The following ZNF492 variants were observed in gnomAD, a reference collection of about 807,000 sequenced individuals.
The protein encoded by ZNF492 is zinc finger protein 492.
In ZNF492, 3 loss-of-function variants were observed where a neutral mutation model predicts 6.4. The observed-to-expected ratio is 0.47, with a 90% CI of 0.21 to 1.22. The LOEUF (loss-of-function observed/expected upper bound fraction) is 1.22. Among genes scored for constraint, ZNF492 ranks in the 50% most tolerant of loss-of-function variants. The probability of loss-of-function intolerance (pLI) is 0.22; values close to 1 mark genes in which losing one functional copy is unlikely to be tolerated. For missense variants in ZNF492, 356 were observed against 612.5 expected (o/e 0.58, Z 4.42); for synonymous variants, 112 against 205.3 (o/e 0.55, Z 3.89).
chr19:22,662,494 T>C (rs1378226767), intron 3 of ZNF492, among the ~76,000 whole-genome samples: 3 of 152,258 alleles, frequency 2.0e-5, no homozygotes, highest in Non-Finnish European at 2.9e-5. Flanking sequence ...TTCTAGATCC[T>C]TGAGGAATCA....
intron 3 of ZNF492, among the ~76,000 whole-genome samples, chr19:22,660,048 A>T (rs1051944871): frequency 6.6e-6 from 1 of 152,116 alleles, no homozygotes; most frequent in African/African-American, 2.4e-5. Context: ...ATAGTTTTTG[A>T]CTTAAGATGT....
rs377541709 is a variant in ZNF492 at position 22,664,146 on chromosome 19, T to C, written c.477T>C (p.His159=). ...GCATGCTTTCACACTTAGCTCAACA[T>C]AAAAGAATTCATAGTGGAGAGAAAC... The part of the protein sequence containing the change: ...SFCMLSHLAQ[H]KRIHSGEKPY... The change falls in exon 4 of 4, where the codon CAT becomes CAC. Residue 159 remains histidine (H), a synonymous_variant. Transcript: ENST00000456783. 5.6e-6 allele frequency: 9 copies of C among 1,604,728 alleles called. No individual in the cohort carries two copies. The African/African-American group carries it at 8.1e-5, about 14-fold the overall frequency.
In ZNF492 at chr19:22,667,102, C is replaced by G. The variant is rs1972138236; in HGVS notation, c.*1837C>G. 6.6e-6 allele frequency: 1 copy of G among 152,254 alleles called. No individual in the cohort carries two copies. The highest frequency in any genetic ancestry group is 1.5e-5 in the Non-Finnish European group (1 of 68,090). The allele number at this position is 152,254 out of a possible 1,614,324, so 9.4% of individuals were successfully genotyped here. A position where few individuals can be genotyped will look rare whatever the true frequency, so the allele number is the denominator to read the frequency against. On this transcript the variant is annotated 3_prime_UTR_variant, in exon 4 of 4. Coordinates refer to ENST00000456783, the MANE Select transcript of ZNF492 (RefSeq NM_020855.3). ...AATTAGCCAGGCATGGTGGCGCATG[C>G]CTGTAATCCCAGCTACTCGGGAGGC... is the stretch of plus-strand genomic sequence containing the variant.
chr19:22,663,720 A>G (rs572234456), intron 3 of ZNF492, 80 bp from the exon 4 acceptor site: 51 of 1,328,286 alleles, frequency 3.8e-5, no homozygotes, highest in East Asian at 3.4e-4. Context: ...TGTAGTTTGT[A>G]TAATTTTATA....
chr19:22,639,687 G>A (rs1403160808), intron 1 of ZNF492, among the ~76,000 whole-genome samples: 1 of 147,938 alleles, frequency 6.8e-6, no homozygotes, highest in Non-Finnish European at 1.5e-5. Context: ...CCCCAGCCTG[G>A]GCAATAAGAG....
At position 22,665,087 on chromosome 19, in the gene ZNF492, G is replaced by T. The variant is rs1184259557; in HGVS notation, c.1418G>T (p.Gly473Val). 1 of 1,608,298 alleles carries T rather than the reference G, an allele frequency of 6.2e-7. No homozygotes were observed. The highest frequency in any genetic ancestry group is 1.1e-5 in the South Asian group (1 of 90,108). Residue 473 changes from glycine (G) to valine (V), a missense_variant, in exon 4 of 4, where the codon GGA (glycine) becomes GTA (valine). Transcript: ENST00000456783. ...HLTTHKMIHT[G>V]EKPYKCEECG... ...ACTACACATAAGATGATTCATACTG[G>T]AGAGAAACCCTACAAGTGTGAAGAA...
At chr19:22,652,756 T>G (rs1477282702) in intron 1 of ZNF492, among the ~76,000 whole-genome samples, 1 of 152,006 alleles carries the variant, frequency 6.6e-6, no homozygotes, top group African/African-American at 2.4e-5. Flanking sequence ...ATTTTTTGTA[T>G]TTTTAGTAGA....
chr19:22,666,328 T>A lies in ZNF492; in HGVS notation c.*1063T>A, dbSNP rs1972127916. The A allele has an allele frequency of 6.6e-6, 1 of 152,052 alleles. No homozygotes were observed. The highest frequency in any genetic ancestry group is 1.9e-4 in the East Asian group (1 of 5,172). The allele number at this position is 152,052 out of a possible 1,614,324, so 9.4% of individuals were successfully genotyped here. ...GCCTCAGCCTCCCAAGTGGCTGGGA[T>A]TACAGGCGCAAACCACCATGCGTGG... On this transcript the variant is annotated 3_prime_UTR_variant, in exon 4 of 4. Coordinates refer to ENST00000456783, the MANE Select transcript of ZNF492 (RefSeq NM_020855.3).
intron 1 of ZNF492, among the ~76,000 whole-genome samples, chr19:22,636,951 GTAAA>G (rs1971774416): frequency 2.4e-4 from 28 of 117,328 alleles, no homozygotes; most frequent in Non-Finnish European, 3.2e-4. Flanking sequence ...TTTATTTTTA[GTAAA>G]CCTTTTTTTT....
chr19:22,653,191 A>G, intron 1 of ZNF492, 116 bp from the exon 2 acceptor site: 1 of 1,131,620 alleles, frequency 8.8e-7, no homozygotes. Flanking sequence ...TAAATATATC[A>G]GTCACTCCTA....
At chr19:22,657,083 T>G (rs931112878) in intron 3 of ZNF492, among the ~76,000 whole-genome samples, 2 of 152,170 alleles carry the variant, frequency 1.3e-5, no homozygotes, top group Non-Finnish European at 2.9e-5. Context: ...CTTTCTACTT[T>G]CTATTTCAAT....
intron 3 of ZNF492, among the ~76,000 whole-genome samples, chr19:22,661,637 C>T (rs1004440272): frequency 1.3e-5 from 2 of 151,970 alleles, no homozygotes; most frequent in African/African-American, 4.8e-5. Flanking sequence ...GCTCCTGTCA[C>T]CCAGGCTGCA....
chr19:22,638,075 T>A (rs1971786398), intron 1 of ZNF492, among the ~76,000 whole-genome samples: 1 of 152,220 alleles, frequency 6.6e-6, no homozygotes, highest in Non-Finnish European at 1.5e-5. Context: ...TTTTTTCCTG[T>A]AACTTGTTTA....
At chr19:22,635,041 A>G (rs1971746641) in intron 1 of ZNF492, among the ~76,000 whole-genome samples, 1 of 151,946 alleles carries the variant, frequency 6.6e-6, no homozygotes, top group Middle Eastern at 3.2e-3. Context: ...GGTTAGGTAT[A>G]TTTACGTAGT....
intron 1 of ZNF492, 89 bp downstream of exon 1, chr19:22,634,563 C>T: frequency 1.6e-6 from 2 of 1,215,602 alleles, no homozygotes; most frequent in Non-Finnish European, 2.4e-6. Flanking sequence ...CAGGCCTCCC[C>T]GCAGTCGGCT....
At chr19:22,643,731 T>C (rs1315228599) in intron 1 of ZNF492, among the ~76,000 whole-genome samples, 3 of 152,146 alleles carry the variant, frequency 2.0e-5, no homozygotes, top group Admixed American at 2.0e-4. Flanking sequence ...TTCCCACAGG[T>C]TCTGTTTAAT....
At chr19:22,661,007 A>G (rs1467816677) in intron 3 of ZNF492, among the ~76,000 whole-genome samples, 1 of 151,472 alleles carries the variant, frequency 6.6e-6, no homozygotes, top group Admixed American at 6.6e-5. Context: ...ATATCATAAG[A>G]CTATGTTTGT....
chr19:22,655,521 A>C (rs575303315), intron 3 of ZNF492, among the ~76,000 whole-genome samples: 1 of 151,896 alleles, frequency 6.6e-6, no homozygotes, highest in Non-Finnish European at 1.5e-5. Flanking sequence ...CATAACTTAC[A>C]CTTGTATGTT....
At chr19:22,653,472 T>C (rs763594675) in intron 2 of ZNF492, 39 bp downstream of exon 2, 221 of 1,586,478 alleles carry the variant, frequency 1.4e-4, no homozygotes, top group Admixed American at 3.4e-4. Flanking sequence ...TAATATACCC[T>C]ATAAATTTTA....
Sources: allele counts gnomAD v4.1 joint callset (sites outside exome capture counted in the v4.1 genomes callset), GRCh38; gene constraint gnomAD v4.1.1; transcripts MANE v1.5; gene names NCBI Gene and HGNC (gene_info 2026-07-23, HGNC 2026-07-21).